MGME1: variants seen among roughly 807,000 people sequenced by gnomAD.
MGME1 encodes chromosome 20 open reading frame 72.
Under a neutral mutation model 33.0 loss-of-function variants are expected in MGME1, and 22 were observed. That is an observed-to-expected ratio of 0.67 (90% CI 0.48 to 0.95). The LOEUF is 0.95. Ranked by LOEUF, MGME1 falls within the 40% of genes least tolerant of loss-of-function variation. MGME1 has a pLI of 0.00. For synonymous variants in MGME1, 133 were observed against 144.0 expected (o/e 0.92, Z 0.55); for missense variants, 383 against 397.8 (o/e 0.96, Z 0.32).
chr20:17,987,695 T>C (rs2036188520), intron 3 of MGME1, among the ~76,000 whole-genome samples: 1 of 152,212 alleles, frequency 6.6e-6, no homozygotes, highest in African/African-American at 2.4e-5. Context: ...ATGTAAGTAA[T>C]ATACATGCTT....
intron 3 of MGME1, among the ~76,000 whole-genome samples, chr20:17,980,890 A>C (rs893104488): frequency 6.6e-6 from 1 of 151,902 alleles, no homozygotes; most frequent in Non-Finnish European, 1.5e-5. Flanking sequence ...ACCACCCACA[A>C]TTAACACTTA....
In MGME1 at chr20:17,983,267, T is replaced by TTGTGTGTGTGTGTG. The variant is rs1555791107; in HGVS notation, c.732-4877_732-4864dup. Among the ~76,000 whole-genome samples, 1,414 of 142,662 alleles carry TTGTGTGTGTGTGTG rather than the reference T, an allele frequency of 9.9e-3. 32 individuals carry two copies. The highest frequency in any genetic ancestry group is 0.033 in the African/African-American group (1,266 of 38,194). 93.6% of individuals were successfully genotyped at this position (142,662 alleles called of 152,430 possible). A position where few individuals can be genotyped will look rare whatever the true frequency, so the allele number is the denominator to read the frequency against. On this transcript the variant is annotated intron_variant, in intron 3 of 4. Coordinates refer to ENST00000377710, the MANE Select transcript of MGME1 (RefSeq NM_052865.4). ...TTTTTAAAGGCTATGTAGTGTTCTATTGTGTGTGTGTGTGTGTGTGTGTGT... is the reference window on the plus strand; with the variant it reads ...TTTTTAAAGGCTATGTAGTGTTCTATTGTGTGTGTGTGTGTGTGTGTGTGTGTGTGTGTGTGTGT...
chr20:17,972,894 T>G, intron 2 of MGME1: 2 of 526,982 alleles, frequency 3.8e-6, no homozygotes, highest in Non-Finnish European at 4.9e-6. Flanking sequence ...TAGGCTTTAA[T>G]TCCATCAGTC....
intron 4 of MGME1, among the ~76,000 whole-genome samples, chr20:17,989,587 C>G (rs1407666929): frequency 2.6e-5 from 4 of 151,524 alleles, no homozygotes; most frequent in Non-Finnish European, 5.9e-5. Context: ...TGGTGCCCGC[C>G]TCAGCTTCGA....
At chr20:17,974,848 A>G (rs1480856288) in intron 2 of MGME1, among the ~76,000 whole-genome samples, 2 of 151,522 alleles carry the variant, frequency 1.3e-5, no homozygotes, top group Non-Finnish European at 2.9e-5. Flanking sequence ...CCCCCTCCAG[A>G]TTCCATAATA....
chr20:17,977,384 A>T (rs886922457), intron 3 of MGME1, among the ~76,000 whole-genome samples: 4 of 151,914 alleles, frequency 2.6e-5, no homozygotes, highest in South Asian at 2.1e-4. Flanking sequence ...CAAAAAAAAA[A>T]AAATAAAAGA....
intron 3 of MGME1, among the ~76,000 whole-genome samples, chr20:17,985,408 AGT>A (rs1285214939): frequency 1.3e-5 from 2 of 152,350 alleles, no homozygotes; most frequent in East Asian, 3.9e-4. Context: ...GGGCAACAAG[AGT>A]GAAACACCAT....
intron 4 of MGME1, among the ~76,000 whole-genome samples, chr20:17,989,058 T>C (rs1220109139): frequency 6.6e-6 from 1 of 150,988 alleles, no homozygotes; most frequent in African/African-American, 2.4e-5. Context: ...CACTGCACTC[T>C]AGCCTGGCCG....
At chr20:17,984,349 A>G (rs780100288) in intron 3 of MGME1, among the ~76,000 whole-genome samples, 4 of 152,194 alleles carry the variant, frequency 2.6e-5, no homozygotes, top group Admixed American at 1.3e-4. Flanking sequence ...ATCTCAGTCA[A>G]CGACAGACTA....
At chr20:17,981,912 CAA>C (rs2036032994) in intron 3 of MGME1, among the ~76,000 whole-genome samples, 1 of 152,074 alleles carries the variant, frequency 6.6e-6, no homozygotes, top group Non-Finnish European at 1.5e-5. Flanking sequence ...CTCAGCCTCC[CAA>C]AGTGCTGGGA....
At chr20:17,975,531 G>T (rs529722042) in intron 2 of MGME1, among the ~76,000 whole-genome samples, 153 bp from the exon 3 acceptor site, 3 of 151,114 alleles carry the variant, frequency 2.0e-5, no homozygotes, top group African/African-American at 7.3e-5. Context: ...ACTCCAGCCT[G>T]GGCGACAGAG....
chr20:17,979,062 G>A (rs976979341), intron 3 of MGME1, among the ~76,000 whole-genome samples: 1 of 151,340 alleles, frequency 6.6e-6, no homozygotes, highest in Non-Finnish European at 1.5e-5. Context: ...GTAAGTGTGA[G>A]CCACTGCACC....
chr20:17,984,019 G>A (rs2036095808), intron 3 of MGME1, among the ~76,000 whole-genome samples: 1 of 152,066 alleles, frequency 6.6e-6, no homozygotes, highest in African/African-American at 2.4e-5. Flanking sequence ...CAGTGTTGGG[G>A]AGCTTTTCTC....
Position 17,970,131 on chromosome 20 carries a change from G to T in MGME1, c.272G>T (p.Gly91Val). ...PVSKHKLPNQ[G>V]EDRRVPQNWF... ...AGCAAGCATAAGCTGCCAAACCAAG[G>T]TGAGGACAGACGAGTGCCACAAAAC... The change falls in exon 2 of 5, where the codon GGT (glycine) becomes GTT (valine). Residue 91 changes from glycine to valine, a missense_variant. Gly to Val is a moderately radical substitution (Grantham distance 109). Transcript: ENST00000377710. 6.2e-7 allele frequency: 1 copy of T among 1,614,238 alleles called. No homozygotes were observed. Among genetic ancestry groups the T allele is most frequent in the Non-Finnish European group, 8.5e-7 (1 of 1,180,046 alleles).
At chr20:17,982,138 T>A (rs1325917386) in intron 3 of MGME1, among the ~76,000 whole-genome samples, 1 of 152,236 alleles carries the variant, frequency 6.6e-6, no homozygotes, top group African/African-American at 2.4e-5. Context: ...TTATTTATTT[T>A]TTTTCTTGAG....
chr20:17,969,380 C>G (rs141189065), intron 1 of MGME1, among the ~76,000 whole-genome samples: 49 of 152,306 alleles, frequency 3.2e-4, no homozygotes, highest in Middle Eastern at 6.8e-3. Flanking sequence ...CATTCTAGAC[C>G]CACGGTAGAG....
At chr20:17,988,362 C>G in intron 4 of MGME1, 64 bp downstream of exon 4, 2 of 1,557,986 alleles carry the variant, frequency 1.3e-6, no homozygotes, top group Non-Finnish European at 1.7e-6. Flanking sequence ...TAACTCCGGG[C>G]CGGGCGCAGT....
intron 4 of MGME1, among the ~76,000 whole-genome samples, 187 bp downstream of exon 4, chr20:17,988,485 T>C (rs1286687156): frequency 2.6e-5 from 4 of 151,950 alleles, no homozygotes; most frequent in African/African-American, 9.7e-5. Flanking sequence ...TTACCAAAAA[T>C]ACAAAAACTA....
intron 3 of MGME1, among the ~76,000 whole-genome samples, chr20:17,980,808 CA>C (rs11087236): frequency 0.39 from 51,263 of 130,688 alleles, 9,495 homozygotes; most frequent in South Asian, 0.57. Flanking sequence ...GACTCCATCT[CA>C]AAAAAAAAAA....
Sources: gnomAD v4.1 joint callset for allele counts (sites outside exome capture counted in the v4.1 genomes callset) on GRCh38, gnomAD v4.1.1 for gene constraint, MANE v1.5 for transcripts, NCBI Gene and HGNC (gene_info 2026-07-23, HGNC 2026-07-21) for gene names.